DMD: variants seen among roughly 807,000 people sequenced by gnomAD.
DMD encodes the protein mutant dystrophin.
Under a neutral mutation model 330.1 loss-of-function variants are expected in DMD, and 63 were observed. The observed-to-expected ratio is 0.19, with a 90% CI of 0.16 to 0.24. The LOEUF is 0.24. DMD is among the 10% of genes least tolerant of loss of function. DMD has a pLI of 1.00. For synonymous variants in DMD, 1,223 were observed against 959.8 expected (o/e 1.27, Z -5.07); for missense variants, 3,344 against 2,684.1 (o/e 1.25, Z -5.43).
At chrX:32,457,544 G>A (rs2098365448) in intron 25 of DMD, among the ~76,000 whole-genome samples, 1 of 111,042 alleles carries the variant, frequency 9.0e-6, no homozygotes, top group Non-Finnish European at 1.9e-5. Context: ...AAGGGAAAGG[G>A]ATCCAGGTAC....
chrX:31,786,295 GTTGT>G (rs770850090), intron 50 of DMD, among the ~76,000 whole-genome samples: 14 of 111,641 alleles, frequency 1.3e-4, no homozygotes, highest in Middle Eastern at 4.6e-3. Context: ...TTTTGATGGG[GTTGT>G]TTGTTTTTTT....
At chrX:32,644,498 TAAGTC>T (rs753963257) in intron 10 of DMD, among the ~76,000 whole-genome samples, 185 bp from the exon 11 acceptor site, 5 of 110,555 alleles carry the variant, frequency 4.5e-5, no homozygotes, top group Non-Finnish European at 9.4e-5. Flanking sequence ...AAAATTATCT[TAAGTC>T]AAGTTCTTCA....
chrX:31,898,396 G>A (rs1260788437), intron 47 of DMD, among the ~76,000 whole-genome samples: 1 of 110,256 alleles, frequency 9.1e-6, no homozygotes, highest in Non-Finnish European at 1.9e-5. Flanking sequence ...AACCAAAACA[G>A]CATGGTACTG....
At chrX:31,757,701 A>AC (rs899613187) in intron 51 of DMD, among the ~76,000 whole-genome samples, 72 of 107,283 alleles carry the variant, frequency 6.7e-4, no homozygotes, top group Non-Finnish European at 1.1e-3. Context: ...TGACCTAATC[A>AC]CCCCCCCAAA....
chrX:31,708,273 C>T (rs1261410016), intron 52 of DMD, among the ~76,000 whole-genome samples: 4 of 111,623 alleles, frequency 3.6e-5, no homozygotes, highest in Admixed American at 1.9e-4. Flanking sequence ...CAGATAATGA[C>T]ACCCCAAGGG....
At chrX:31,850,293 A>T (rs767986401) in intron 48 of DMD, among the ~76,000 whole-genome samples, 6 of 112,556 alleles carry the variant, frequency 5.3e-5, no homozygotes, top group Non-Finnish European at 9.4e-5. Flanking sequence ...AACATTATCT[A>T]TTGTACGATA....
chrX:32,501,713 C>CTTT (rs2148690351), intron 19 of DMD, 42 bp downstream of exon 19: 3 of 1,024,224 alleles, frequency 2.9e-6, no homozygotes, highest in Non-Finnish European at 4.1e-6. Context: ...ATGTGTTTAT[C>CTTT]AAATCCCTAA....
Position 32,485,556 on chromosome X carries a change from T to A in DMD, c.2623-457A>T, listed in dbSNP as rs146663391. ...ACATATATACCTACATATATGTATATGTGTATACTATAATTATAAATATAT... is the reference window on the plus strand; with the variant it reads ...ACATATATACCTACATATATGTATAAGTGTATACTATAATTATAAATATAT... On this transcript the variant is annotated intron_variant, in intron 20 of 78. Coordinates refer to ENST00000357033, the MANE Select transcript of DMD (RefSeq NM_004006.3). 3.0e-3 allele frequency among the ~76,000 whole-genome samples: 333 copies of A among 109,270 alleles called. 3 individuals are homozygous for A. The South Asian group carries it at 0.057, about 19-fold the overall frequency. 94.9% of individuals were successfully genotyped at this position (109,270 alleles called of 115,157 possible).
At chrX:31,341,889 G>GCACACACACACACACA (rs1239381351) in intron 61 of DMD, among the ~76,000 whole-genome samples, 8 of 65,088 alleles carry the variant, frequency 1.2e-4, no homozygotes, top group African/African-American at 5.0e-4. Context: ...GCGTGCGCGC[G>GCACACACACACACACA]CGCACACACA....
chrX:32,012,674 C>T (rs911742873), intron 44 of DMD, among the ~76,000 whole-genome samples: 5 of 111,642 alleles, frequency 4.5e-5, no homozygotes, highest in African/African-American at 6.5e-5. Flanking sequence ...GAGGCAGTTA[C>T]GAAGGGCCCG....
chrX:31,372,699 A>T (rs988499086), intron 60 of DMD, among the ~76,000 whole-genome samples: 1 of 111,693 alleles, frequency 9.0e-6, no homozygotes, highest in Admixed American at 9.5e-5. Context: ...ATCTATGACA[A>T]ACCCACAGCC....
At chrX:32,384,015 A>G (rs2097942027) in intron 33 of DMD, among the ~76,000 whole-genome samples, 1 of 110,609 alleles carries the variant, frequency 9.0e-6, no homozygotes, top group Non-Finnish European at 1.9e-5. Flanking sequence ...TTTAAAAAAT[A>G]CTCATCCATA....
rs773698827 is a variant in DMD at position 32,283,871 on chromosome X, T to C, written c.6290+3658A>G. ...CTAACTGCCCCTTTACAGAAAAAAA[T>C]ATCCATCCTCTGACTATCAGATGCT... On this transcript the variant is annotated intron_variant, in intron 43 of 78. Coordinates refer to ENST00000357033, the MANE Select transcript of DMD (RefSeq NM_004006.3). Among the ~76,000 whole-genome samples the C allele has an allele frequency of 3.6e-5, 4 of 111,034 alleles. No homozygotes were observed. The South Asian group carries it at 1.1e-3, about 31-fold the overall frequency.
At chrX:32,096,244 C>T (rs896580004) in intron 44 of DMD, among the ~76,000 whole-genome samples, 1 of 111,846 alleles carries the variant, frequency 8.9e-6, no homozygotes, top group Non-Finnish European at 1.9e-5. Context: ...AAATGTAACA[C>T]GCCCAATGCC....
At chrX:32,555,113 T>G (rs926261729) in intron 16 of DMD, among the ~76,000 whole-genome samples, 3 of 110,280 alleles carry the variant, frequency 2.7e-5, no homozygotes, top group Non-Finnish European at 5.7e-5. Flanking sequence ...ACAATCAAGT[T>G]TGCTTCATCC....
chrX:32,573,886 T>C (rs753811276), intron 13 of DMD, 40 bp from the exon 14 acceptor site: 1 of 1,089,015 alleles, frequency 9.2e-7, no homozygotes, highest in South Asian at 1.9e-5. Flanking sequence ...AGCAAACAAT[T>C]GGTAACTACG....
chrX:31,595,962 T>G (rs1257692265), intron 55 of DMD, among the ~76,000 whole-genome samples: 1 of 111,255 alleles, frequency 9.0e-6, no homozygotes, highest in Non-Finnish European at 1.9e-5. Flanking sequence ...TTAAATTAAT[T>G]TACAATGCTA....
chrX:32,535,289 TTTC>T (rs1465798708), intron 17 of DMD, among the ~76,000 whole-genome samples: 4 of 111,886 alleles, frequency 3.6e-5, no homozygotes, highest in Non-Finnish European at 7.5e-5. Context: ...ATTCCCCACA[TTTC>T]TTCTGTACTT....
intron 55 of DMD, among the ~76,000 whole-genome samples, chrX:31,577,230 G>A (rs1280642795): frequency 8.9e-6 from 1 of 112,547 alleles, no homozygotes; most frequent in Non-Finnish European, 1.9e-5. Flanking sequence ...GTGGATATAA[G>A]TTATTCAATA....
Sources: allele counts gnomAD v4.1 joint callset (sites outside exome capture counted in the v4.1 genomes callset), GRCh38; gene constraint gnomAD v4.1.1; transcripts MANE v1.5; gene names NCBI Gene and HGNC (gene_info 2026-07-23, HGNC 2026-07-21).